SP3: variants seen among roughly 807,000 people sequenced by gnomAD.
SP3 encodes Sp3 transcription factor.
In SP3, 10 loss-of-function variants were observed where a neutral mutation model predicts 70.3. That is an observed-to-expected ratio of 0.14 (90% CI 0.09 to 0.24). The LOEUF (loss-of-function observed/expected upper bound fraction) is 0.24. SP3 is among the 10% of genes least tolerant of loss of function. The pLI is 1.00. For missense variants in SP3, 825 were observed against 914.6 expected, an observed-to-expected ratio of 0.90 and a Z score of 1.26; for synonymous variants, 402 against 333.5, an observed-to-expected ratio of 1.21 and a Z score of -2.24.
chr2:173,922,804 C>T (rs1015205781), intron 4 of SP3, among the ~76,000 whole-genome samples: 2 of 152,068 alleles, frequency 1.3e-5, no homozygotes, highest in South Asian at 2.1e-4. Flanking sequence ...AGCACAAAAC[C>T]CTGCCTAGTA....
At chr2:173,958,983 T>C (rs1452208373) in intron 3 of SP3, among the ~76,000 whole-genome samples, 9 of 152,326 alleles carry the variant, frequency 5.9e-5, no homozygotes, top group Middle Eastern at 3.4e-3. Flanking sequence ...ATTATGAGAA[T>C]AGATTTGAAA....
intron 2 of SP3, 90 bp from the exon 3 acceptor site, chr2:173,963,973 G>C: frequency 3.4e-6 from 3 of 877,112 alleles, no homozygotes; most frequent in South Asian, 2.1e-5. Flanking sequence ...AGTACGACTC[G>C]GTCCCCGCCG....
At chr2:173,933,962 G>A (rs1690144962) in intron 4 of SP3, among the ~76,000 whole-genome samples, 1 of 130,474 alleles carries the variant, frequency 7.7e-6, no homozygotes, top group Non-Finnish European at 1.6e-5. Flanking sequence ...GTTGGATGTG[G>A]TGGTGTACAT....
chr2:173,933,413 C>G (rs1690122686), intron 4 of SP3, among the ~76,000 whole-genome samples: 1 of 151,764 alleles, frequency 6.6e-6, no homozygotes, highest in African/African-American at 2.4e-5. Flanking sequence ...AGTAACAACC[C>G]CTCAAATCAC....
At chr2:173,963,664 A>C in intron 3 of SP3, 97 bp downstream of exon 3, 1 of 292,562 alleles carries the variant, frequency 3.4e-6, no homozygotes, top group Non-Finnish European at 5.1e-6. Context: ...GGTCGGGGGA[A>C]GCGCGGGCGC....
intron 4 of SP3, among the ~76,000 whole-genome samples, chr2:173,938,898 C>T (rs561367855): frequency 6.6e-6 from 1 of 152,226 alleles, no homozygotes; most frequent in Non-Finnish European, 1.5e-5. Flanking sequence ...AGATGAAGAA[C>T]TGTCCTCCAG....
intron 4 of SP3, among the ~76,000 whole-genome samples, chr2:173,942,692 G>A (rs1690407747): frequency 6.6e-6 from 1 of 151,988 alleles, no homozygotes; most frequent in Non-Finnish European, 1.5e-5. Flanking sequence ...AGATCTAATA[G>A]TCATTTCAGA....
Position 173,919,623 on chromosome 2 carries a change from A to G in SP3, c.1640-838T>C, listed in dbSNP as rs114859770. On this transcript the variant is annotated intron_variant, in intron 4 of 6. Transcript: ENST00000310015. ...AAGAAAAGGTATTCAACATTGTTAA[A>G]TATCAGGGAAATAAAAATTTAATTC... Among the ~76,000 whole-genome samples the G allele has an allele frequency of 9.9e-3, 1,505 of 152,302 alleles. 37 individuals are homozygous for G. Among genetic ancestry groups the G allele is most frequent in the African/African-American group, 0.034 (1,429 of 41,550 alleles).
intron 4 of SP3, among the ~76,000 whole-genome samples, chr2:173,953,602 C>T (rs1221058694): frequency 2.0e-5 from 3 of 152,024 alleles, no homozygotes; most frequent in African/African-American, 7.2e-5. Context: ...CAAAAATTAG[C>T]CGGATGTGGT....
intron 4 of SP3, among the ~76,000 whole-genome samples, chr2:173,924,592 A>G (rs1689855805): frequency 2.0e-5 from 3 of 152,228 alleles, no homozygotes; most frequent in South Asian, 4.1e-4. Context: ...GCTGAGTTTA[A>G]TATTATTTTC....
chr2:173,949,977 A>T (rs1679400002), intron 4 of SP3, among the ~76,000 whole-genome samples: 1 of 152,204 alleles, frequency 6.6e-6, no homozygotes, highest in South Asian at 2.1e-4. Context: ...AAAGATACAT[A>T]AATTCACACT....
intron 3 of SP3, among the ~76,000 whole-genome samples, chr2:173,959,987 T>C (rs1691013827): frequency 6.6e-6 from 1 of 152,066 alleles, no homozygotes; most frequent in African/African-American, 2.4e-5. Context: ...CTAGGCAACA[T>C]GGCGAAGCCC....
chr2:173,949,300 A>C (rs1690640925), intron 4 of SP3, among the ~76,000 whole-genome samples: 1 of 152,110 alleles, frequency 6.6e-6, no homozygotes, highest in Admixed American at 6.6e-5. Flanking sequence ...ATGTTTCAGA[A>C]GACATTTCCT....
chr2:173,965,293 A>T lies in SP3; in HGVS notation c.-122T>A. On this transcript the variant is annotated 5_prime_UTR_variant, in exon 1 of 7. Coordinates refer to ENST00000310015, the MANE Select transcript of SP3 (RefSeq NM_003111.5). ...CGGACACGGCCGGAGCGGTCCGGGG[A>T]TTTTTTTTTCCTATTTTGATTGACT... 1.7e-6 allele frequency: 2 copies of T among 1,168,340 alleles called. No homozygotes were observed. Among genetic ancestry groups the T allele is most frequent in the Non-Finnish European group, 2.4e-6 (2 of 817,610 alleles). 72.4% of individuals were successfully genotyped at this position (1,168,340 alleles called of 1,614,324 possible).
intron 2 of SP3, 53 bp from the exon 3 acceptor site, chr2:173,963,936 T>G: frequency 1.5e-6 from 2 of 1,290,788 alleles, no homozygotes; most frequent in Non-Finnish European, 2.1e-6. Context: ...GGGTGGCGGT[T>G]AGGGTCGGGC....
In SP3 at chr2:173,913,233, A is replaced by G. The variant is rs1474663686; in HGVS notation, c.1866T>C (p.Ile622=). ...CTTTACCACATCCTGGTATATGACA[A>G]ATGTGTTGCTTCTTTTTCCCAAGAT... ...GTNLGKKKQH[I]CHIPGCGKVY... Residue 622 remains isoleucine, a synonymous_variant, in exon 6 of 7, where the codon ATT becomes ATC. Coordinates refer to ENST00000310015, the MANE Select transcript of SP3 (RefSeq NM_003111.5). 6 of 1,601,446 alleles carry G rather than the reference A, an allele frequency of 3.7e-6. No individual in the cohort carries two copies. In the African/African-American group the frequency reaches 4.0e-5, roughly 11 times the overall value.
chr2:173,944,727 T>C (rs1690482968), intron 4 of SP3, among the ~76,000 whole-genome samples: 1 of 152,220 alleles, frequency 6.6e-6, no homozygotes, highest in Admixed American at 6.5e-5. Context: ...TGCATTATTG[T>C]TGCTGACTAA....
At chr2:173,918,530 A>T in intron 5 of SP3, 63 bp downstream of exon 5, 1 of 1,463,738 alleles carries the variant, frequency 6.8e-7, no homozygotes. Flanking sequence ...AGCATGCAGT[A>T]TTTCAAAAAT....
Position 173,910,073 on chromosome 2 carries a change from T to C in SP3, c.2214A>G (p.Ala738=). Residue 738 remains alanine (A), a synonymous_variant, in exon 7 of 7, where the codon GCA becomes GCG. Coordinates refer to ENST00000310015, the MANE Select transcript of SP3 (RefSeq NM_003111.5). ...ITAGGTTLIL[A]NIQQGSVSGI... ...CTGAAACAGAACCTTGTTGAATATT[T>C]GCAAGGATAAGCGTTGTTCCTCCTG... 6.2e-7 allele frequency: 1 copy of C among 1,613,040 alleles called. No homozygotes were observed. The highest frequency in any genetic ancestry group is 2.2e-5 in the East Asian group (1 of 44,876).
Sources: allele counts gnomAD v4.1 joint callset (sites outside exome capture counted in the v4.1 genomes callset), GRCh38; gene constraint gnomAD v4.1.1; transcripts MANE v1.5; gene names NCBI Gene and HGNC (gene_info 2026-07-23, HGNC 2026-07-21).